The following COL4A5 variants were observed in gnomAD, a reference collection of about 807,000 sequenced individuals.
COL4A5 encodes the protein collagen alpha-5(IV) chain.
In COL4A5, 26 loss-of-function variants were observed where a neutral mutation model predicts 130.2. The observed-to-expected ratio is 0.20, with a 90% CI of 0.15 to 0.28. The LOEUF (loss-of-function observed/expected upper bound fraction) is 0.28, where lower values mean the gene tolerates loss of function less well. Among genes scored for constraint, COL4A5 ranks in the 10% least tolerant of loss-of-function variants. The pLI is 1.00. For missense variants in COL4A5, 1,131 were observed against 1,344.3 expected (o/e 0.84, Z 2.48); for synonymous variants, 496 against 439.6 (o/e 1.13, Z -1.60).
chrX:108,516,699 C>A (rs561784959), intron 1 of COL4A5, among the ~76,000 whole-genome samples: 30 of 111,995 alleles, frequency 2.7e-4, no homozygotes, highest in African/African-American at 9.4e-4. Context: ...CTAAATGATA[C>A]TGGACATTTT....
At chrX:108,526,661 T>TTTCTTTCTTTC (rs1447031182) in intron 1 of COL4A5, among the ~76,000 whole-genome samples, 4 of 47,244 alleles carry the variant, frequency 8.5e-5, no homozygotes, top group Admixed American at 2.3e-4. Context: ...TCTTTCTTTC[T>TTTCTTTCTTTC]TCTTTCTTTC....
At position 108,591,571 on chromosome X, in the gene COL4A5, A is replaced by G. The variant is rs201481496; in HGVS notation, c.1350A>G (p.Ile450Met). The stretch of plus-strand genomic sequence containing the variant: ...CTTTATCTTACTCAGGTGATGAGAT[A>G]TGTGAACCAGGCCCTCCAGGCCCCC... ...AGPHIPPSDE[I>M]CEPGPPGPPG... Residue 450 changes from isoleucine to methionine, a missense_variant, in exon 21 of 53, where the codon ATA becomes ATG. Coordinates refer to ENST00000328300, the MANE Select transcript of COL4A5 (RefSeq NM_033380.3). 1.3e-5 allele frequency: 15 copies of G among 1,198,900 alleles called. No individual in the cohort carries two copies. The East Asian group carries it at 3.6e-4, about 28-fold the overall frequency.
chrX:108,530,919 T>C (rs2065376417), intron 1 of COL4A5, among the ~76,000 whole-genome samples: 1 of 102,902 alleles, frequency 9.7e-6, no homozygotes, highest in South Asian at 4.9e-4. Context: ...CGTATGTTTA[T>C]TGTGGCACTA....
Position 108,579,856 on chromosome X carries a change from T to C in COL4A5, c.781-677T>C, listed in dbSNP as rs749363384. Among the ~76,000 whole-genome samples the C allele has an allele frequency of 4.5e-5, 5 of 112,028 alleles. No individual in the cohort carries two copies. In the South Asian group the frequency reaches 1.5e-3, roughly 33 times the overall value. ...TATTCTTGCTTTTTATAAAATATTT[T>C]ATAAGAATAAAAAATTGTCATTATT... On this transcript the variant is annotated intron_variant, in intron 13 of 52. Transcript: ENST00000328300.
chrX:108,502,770 A>G (rs1444610551), intron 1 of COL4A5, among the ~76,000 whole-genome samples: 1 of 111,418 alleles, frequency 9.0e-6, no homozygotes, highest in East Asian at 2.8e-4. Context: ...CCCACCCCAA[A>G]AGCTCCTTTT....
intron 19 of COL4A5, among the ~76,000 whole-genome samples, chrX:108,589,137 C>T (rs1017961903): frequency 8.1e-5 from 9 of 111,312 alleles, no homozygotes; most frequent in African/African-American, 2.3e-4. Flanking sequence ...ACATTATTAA[C>T]GTGATGTGTA....
At chrX:108,548,430 GAA>G (rs1340804702) in intron 2 of COL4A5, among the ~76,000 whole-genome samples, 1 of 110,598 alleles carries the variant, frequency 9.0e-6, no homozygotes, top group Admixed American at 9.6e-5. Context: ...AAGAGAAAAT[GAA>G]AAAAAGAAAA....
At chrX:108,625,302 C>G (rs769813598) in intron 34 of COL4A5, among the ~76,000 whole-genome samples, 8 of 111,497 alleles carry the variant, frequency 7.2e-5, no homozygotes, top group Non-Finnish European at 1.3e-4. Flanking sequence ...TCTTTCTGAT[C>G]TCATATAATC....
intron 29 of COL4A5, among the ~76,000 whole-genome samples, chrX:108,614,357 A>T (rs2066888096): frequency 9.0e-6 from 1 of 111,643 alleles, no homozygotes; most frequent in African/African-American, 3.3e-5. Flanking sequence ...ATGACTACAT[A>T]CCTTTGTCAA....
At chrX:108,460,619 A>AGATGG (rs2064636062) in intron 1 of COL4A5, among the ~76,000 whole-genome samples, 1 of 97,964 alleles carries the variant, frequency 1.0e-5, no homozygotes, top group Admixed American at 1.1e-4. Context: ...CCTCCTGAGT[A>AGATGG]GATGGGATTA....
At chrX:108,622,054 C>T (rs182090044) in intron 32 of COL4A5, among the ~76,000 whole-genome samples, 162 bp downstream of exon 32, 211 of 112,737 alleles carry the variant, frequency 1.9e-3, no homozygotes, top group Non-Finnish European at 3.2e-3. Context: ...AATTTGGTTA[C>T]GTGCTTAGTT....
intron 1 of COL4A5, among the ~76,000 whole-genome samples, chrX:108,492,436 G>T (rs950323770): frequency 2.7e-5 from 3 of 111,962 alleles, no homozygotes; most frequent in Non-Finnish European, 5.6e-5. Context: ...AGAGGGAAGA[G>T]AATCTGATTT....
intron 1 of COL4A5, among the ~76,000 whole-genome samples, chrX:108,509,396 T>C (rs1422338721): frequency 1.8e-5 from 2 of 112,019 alleles, no homozygotes; most frequent in African/African-American, 3.2e-5. Context: ...TTCACCTATG[T>C]AAGTAACCTG....
At chrX:108,588,514 G>A (rs2066373803) in intron 19 of COL4A5, among the ~76,000 whole-genome samples, 1 of 110,165 alleles carries the variant, frequency 9.1e-6, no homozygotes. Flanking sequence ...AAGTTAAGAG[G>A]TATGAAAGAT....
chrX:108,466,426 T>A (rs1158318430), intron 1 of COL4A5, among the ~76,000 whole-genome samples: 1 of 111,916 alleles, frequency 8.9e-6, no homozygotes, highest in Non-Finnish European at 1.9e-5. Flanking sequence ...TTGTTTTGTT[T>A]ATTTTAAGTT....
intron 1 of COL4A5, among the ~76,000 whole-genome samples, chrX:108,504,481 T>C (rs749449619): frequency 1.3e-4 from 14 of 111,902 alleles, no homozygotes; most frequent in Non-Finnish European, 2.6e-4. Flanking sequence ...TTGTAAACTA[T>C]GCATCTGATA....
rs758804916 is a variant in COL4A5 at position 108,591,575 on chromosome X, G to A, written c.1354G>A (p.Glu452Lys). 28 of 1,202,964 alleles carry A rather than the reference G, an allele frequency of 2.3e-5. No individual in the cohort carries two copies. Among genetic ancestry groups the A allele is most frequent in the Non-Finnish European group, 3.1e-5 (28 of 889,056 alleles). Residue 452 changes from glutamate to lysine, a missense_variant, in exon 21 of 53, where the codon GAA becomes AAA. By Grantham distance (56) the Glu-to-Lys change is moderately conservative. Coordinates refer to ENST00000328300, the MANE Select transcript of COL4A5 (RefSeq NM_033380.3). ...ATCTTACTCAGGTGATGAGATATGT[G>A]AACCAGGCCCTCCAGGCCCCCCAGG... ...PHIPPSDEIC[E>K]PGPPGPPGSP... is the part of the protein sequence containing the mutation.
chrX:108,669,546 A>T (rs2068155608), intron 41 of COL4A5, among the ~76,000 whole-genome samples: 1 of 112,305 alleles, frequency 8.9e-6, no homozygotes, highest in Admixed American at 9.4e-5. Flanking sequence ...TTATGTTTGT[A>T]TACTACTGAA....
intron 2 of COL4A5, among the ~76,000 whole-genome samples, chrX:108,542,959 G>GT (rs1454590359): frequency 1.8e-5 from 2 of 109,017 alleles, no homozygotes; most frequent in African/African-American, 6.8e-5. Flanking sequence ...GGGGTTGTTT[G>GT]TTTTTTTCTT....
Sources: gnomAD v4.1 joint callset for allele counts (sites outside exome capture counted in the v4.1 genomes callset) on GRCh38, gnomAD v4.1.1 for gene constraint, MANE v1.5 for transcripts, NCBI Gene and HGNC (gene_info 2026-07-23, HGNC 2026-07-21) for gene names.